Variants in EVI5 observed in about 807,000 individuals in gnomAD.
EVI5 encodes the protein ecotropic viral integration site 5 protein homolog.
A neutral mutation model predicts 112.0 loss-of-function variants in EVI5; 73 were observed. The observed-to-expected ratio is 0.65, with a 90% CI of 0.54 to 0.79. The LOEUF (loss-of-function observed/expected upper bound fraction) is 0.79. Ranked by LOEUF, EVI5 falls within the 30% of genes least tolerant of loss-of-function variation. EVI5 has a pLI of 0.00. For synonymous variants in EVI5, 305 were observed against 319.9 expected (o/e 0.95, Z 0.50); for missense variants, 900 against 968.8 (o/e 0.93, Z 0.94).
intron 19 of EVI5, among the ~76,000 whole-genome samples, chr1:92,547,481 C>T (rs1185774900): frequency 3.3e-5 from 5 of 152,090 alleles, no homozygotes; most frequent in Admixed American, 1.3e-4. Context: ...TAGCAGAAGG[C>T]GAGAAGTAAC....
chr1:92,703,379 A>G lies in EVI5; in HGVS notation c.564+16T>C. On this transcript the variant is annotated intron_variant, in intron 4 of 19. Transcript: ENST00000684568. Reference sequence around the variant, plus strand: ...GGAATTCATTTCATTTCAAAAAATGAATAAATAAAACTTACCTTCATTACA... The same window carrying G: ...GGAATTCATTTCATTTCAAAAAATGGATAAATAAAACTTACCTTCATTACA... 7.1e-7 allele frequency: 1 copy of G among 1,411,854 alleles called. No homozygotes were observed. Among genetic ancestry groups the G allele is most frequent in the Non-Finnish European group, 9.7e-7 (1 of 1,034,462 alleles). The allele number at this position is 1,411,854 out of a possible 1,614,324, so 87.5% of individuals were successfully genotyped here.
chr1:92,676,589 T>C (rs552826552), intron 10 of EVI5, among the ~76,000 whole-genome samples: 1 of 152,240 alleles, frequency 6.6e-6, no homozygotes, highest in South Asian at 2.1e-4. Flanking sequence ...AAGAATTCCG[T>C]GTTTTATGGA....
At position 92,545,165 on chromosome 1, in the gene EVI5, A is replaced by C. The variant is rs540132745; in HGVS notation, c.2166+18477T>G. 2.0e-5 allele frequency among the ~76,000 whole-genome samples: 3 copies of C among 152,344 alleles called. No homozygotes were observed. In the East Asian group the frequency reaches 5.8e-4, roughly 29 times the overall value. ...ATCAATTACTCTTTAATTGACACTT[A>C]GTAAATTAGTGGAGCACATTTTCAA... is the stretch of plus-strand genomic sequence containing the variant. On this transcript the variant is annotated intron_variant, in intron 19 of 19. Transcript: ENST00000684568.
At chr1:92,755,390 G>A (rs916828230) in intron 1 of EVI5, among the ~76,000 whole-genome samples, 4 of 152,108 alleles carry the variant, frequency 2.6e-5, no homozygotes, top group African/African-American at 7.2e-5. Flanking sequence ...CAGCCTGGGC[G>A]ACACAGCAAG....
In EVI5 at chr1:92,513,720, C is replaced by T; in HGVS notation, c.2417G>A (p.Ser806Asn). 1 of 1,613,446 alleles carries T rather than the reference C, an allele frequency of 6.2e-7. No homozygotes were observed. Among genetic ancestry groups the T allele is most frequent in the South Asian group, 1.1e-5 (1 of 90,996 alleles). The change falls in exon 20 of 20, where the codon AGC (serine) becomes AAC (asparagine). Residue 806 changes from serine (S) to asparagine (N), a missense_variant. Transcript: ENST00000684568. The part of the protein sequence containing the change: ...TEDSVLETRE[S>N]NQVVQKERPP... ...CCGCTCCTTTTGAACCACTTGGTTGCTCTCTCTGGTCTCCAGCACACTGTC... is the reference window on the plus strand; with the variant it reads ...CCGCTCCTTTTGAACCACTTGGTTGTTCTCTCTGGTCTCCAGCACACTGTC...
intron 19 of EVI5, among the ~76,000 whole-genome samples, chr1:92,547,292 G>C (rs992268750): frequency 1.3e-5 from 2 of 152,178 alleles, no homozygotes; most frequent in Non-Finnish European, 2.9e-5. Flanking sequence ...GATGTTCTTT[G>C]AAACCAATGA....
intron 2 of EVI5, among the ~76,000 whole-genome samples, chr1:92,720,495 C>A (rs1238246173): frequency 1.3e-5 from 2 of 152,122 alleles, no homozygotes; most frequent in African/African-American, 4.8e-5. Flanking sequence ...GAAACTGGAT[C>A]CCTTCCTTAC....
intron 18 of EVI5, among the ~76,000 whole-genome samples, chr1:92,595,098 A>G (rs977217196): frequency 3.9e-5 from 6 of 151,976 alleles, no homozygotes; most frequent in Admixed American, 2.6e-4. Flanking sequence ...TCATGCTGCT[A>G]TAAAGACACA....
chr1:92,684,917 G>A (rs1668249288), intron 9 of EVI5, among the ~76,000 whole-genome samples: 1 of 152,004 alleles, frequency 6.6e-6, no homozygotes, highest in Non-Finnish European at 1.5e-5. Flanking sequence ...AGTCCTGAGA[G>A]ACCTACAAAG....
At chr1:92,706,623 C>T (rs1672013889) in intron 2 of EVI5, among the ~76,000 whole-genome samples, 1 of 152,136 alleles carries the variant, frequency 6.6e-6, no homozygotes, top group South Asian at 2.1e-4. Context: ...TCTTGGATTG[C>T]TGAGTTATTA....
intron 19 of EVI5, among the ~76,000 whole-genome samples, chr1:92,550,949 A>G (rs1481522921): frequency 6.8e-6 from 1 of 146,560 alleles, no homozygotes; most frequent in East Asian, 2.0e-4. Flanking sequence ...GTATATTAAG[A>G]AAAATAAAAT....
chr1:92,616,085 C>T (rs567179384), intron 16 of EVI5, among the ~76,000 whole-genome samples: 1 of 152,256 alleles, frequency 6.6e-6, no homozygotes, highest in Admixed American at 6.5e-5. Context: ...AGATGGCCCA[C>T]TGTGAGAGAG....
At chr1:92,514,065 AT>A (rs1659483384) in intron 19 of EVI5, 95 bp from the exon 20 acceptor site, 1 of 724,636 alleles carries the variant, frequency 1.4e-6, no homozygotes, top group African/African-American at 1.8e-5. Context: ...AAGATGCCTT[AT>A]TATTTTTCTA....
At chr1:92,551,685 T>C (rs757010583) in intron 19 of EVI5, among the ~76,000 whole-genome samples, 1 of 152,240 alleles carries the variant, frequency 6.6e-6, no homozygotes, top group Non-Finnish European at 1.5e-5. Flanking sequence ...GTCTGCGACC[T>C]AGTAAGAGTA....
Position 92,697,909 on chromosome 1 carries a change from C to T in EVI5, c.716G>A (p.Ser239Asn). 1 of 1,613,114 alleles carries T rather than the reference C, an allele frequency of 6.2e-7. No homozygotes were observed. The highest frequency in any genetic ancestry group is 8.5e-7 in the Non-Finnish European group (1 of 1,179,314). The change falls in exon 6 of 20, where the codon AGT becomes AAT. Residue 239 changes from serine (S) to asparagine (N), a missense_variant. Physicochemically the swap from Ser to Asn is conservative, Grantham distance 46. Transcript: ENST00000684568. ...DYRLRELFKP[S>N]MAELGLCMYQ... ...CATACAAAGGCCCAATTCTGCCATACTTGGTTTAAAAAGTTCACGAAGTCT... is the reference window on the plus strand; with the variant it reads ...CATACAAAGGCCCAATTCTGCCATATTTGGTTTAAAAAGTTCACGAAGTCT...
At chr1:92,783,770 A>G (rs1332363862) in intron 1 of EVI5, among the ~76,000 whole-genome samples, 1 of 147,038 alleles carries the variant, frequency 6.8e-6, no homozygotes, top group Non-Finnish European at 1.5e-5. Context: ...CAACGTCGCC[A>G]CTGCACTCCA....
intron 19 of EVI5, among the ~76,000 whole-genome samples, chr1:92,518,458 G>A (rs1660331698): frequency 6.6e-6 from 1 of 152,048 alleles, no homozygotes; most frequent in African/African-American, 2.4e-5. Context: ...GAGGGAATCT[G>A]GGATTCCCCC....
intron 2 of EVI5, among the ~76,000 whole-genome samples, chr1:92,735,192 CTG>C (rs1396705219): frequency 6.6e-6 from 1 of 152,146 alleles, no homozygotes; most frequent in African/African-American, 2.4e-5. Context: ...AGTGAATAAA[CTG>C]TGCTATTTCC....
chr1:92,759,380 TATAG>T (rs2102979317), intron 1 of EVI5, among the ~76,000 whole-genome samples: 1 of 152,262 alleles, frequency 6.6e-6, no homozygotes, highest in South Asian at 2.1e-4. Flanking sequence ...ATGAACAATA[TATAG>T]AGAGACACCT....
Sources: gnomAD v4.1 joint callset for allele counts (sites outside exome capture counted in the v4.1 genomes callset) on GRCh38, gnomAD v4.1.1 for gene constraint, MANE v1.5 for transcripts, NCBI Gene and HGNC (gene_info 2026-07-23, HGNC 2026-07-21) for gene names.